The following SCYL3 variants were observed in gnomAD, a reference collection of about 807,000 sequenced individuals.
SCYL3 encodes the protein protein-associating with the carboxyl-terminal domain of ezrin.
Under a neutral mutation model 73.8 loss-of-function variants are expected in SCYL3, and 35 were observed. That is an observed-to-expected ratio of 0.47 (90% CI 0.36 to 0.63). The LOEUF (loss-of-function observed/expected upper bound fraction) is 0.63, where lower values mean the gene tolerates loss of function less well. Ranked by LOEUF, SCYL3 falls within the 20% of genes least tolerant of loss-of-function variation. SCYL3 has a pLI of 0.00. For synonymous variants in SCYL3, 277 were observed against 295.2 expected (o/e 0.94, Z 0.63); for missense variants, 712 against 798.9 (o/e 0.89, Z 1.31).
rs956006496 is a variant in SCYL3, at chr1:169,850,992, TTTTTTTTTTTTTTTA to T, written c.*2706_*2720del. ...AATTTAGGCATGGCTTTTTTTTTTTTTTTTTTTTTTTTTTATTTGGGCAGCCTCCCAAGCCAGGGT... is the reference window on the plus strand; with the variant it reads ...AATTTAGGCATGGCTTTTTTTTTTTTTTTGGGCAGCCTCCCAAGCCAGGGT... On this transcript the variant is annotated 3_prime_UTR_variant, in exon 13 of 13. Coordinates refer to ENST00000367771, the MANE Select transcript of SCYL3 (RefSeq NM_020423.7). 4 of 54,860 alleles carry T rather than the reference TTTTTTTTTTTTTTTA, an allele frequency of 7.3e-5. No homozygotes were observed. The highest frequency in any genetic ancestry group is 2.9e-4 in the African/African-American group (4 of 13,722). 3.4% of individuals were successfully genotyped at this position (54,860 alleles called of 1,614,324 possible). A position where few individuals can be genotyped will look rare whatever the true frequency, so the allele number is the denominator to read the frequency against.
At position 169,874,520 on chromosome 1, in the gene SCYL3, G is replaced by C. The variant is rs540228939; in HGVS notation, c.466-768C>G. Among the ~76,000 whole-genome samples the C allele has an allele frequency of 1.4e-4, 22 of 152,188 alleles. No individual in the cohort carries two copies. In the South Asian group the frequency reaches 4.2e-3, roughly 29 times the overall value. On this transcript the variant is annotated intron_variant, in intron 4 of 12. Coordinates refer to ENST00000367771, the MANE Select transcript of SCYL3 (RefSeq NM_020423.7). ...TTTCCAGAAGCCAATGGGAAGAAAT[G>C]CATTCCAGCAACAGAATGGCCTACA...
intron 8 of SCYL3, among the ~76,000 whole-genome samples, chr1:169,866,529 G>T (rs1660042688): frequency 6.6e-6 from 1 of 152,154 alleles, no homozygotes; most frequent in Admixed American, 6.5e-5. Flanking sequence ...CCCCCAGCAG[G>T]ACTCAACTGT....
At chr1:169,856,023 G>A in intron 11 of SCYL3, 7 of 1,474,746 alleles carry the variant, frequency 4.7e-6, no homozygotes, top group Non-Finnish European at 5.6e-6. Context: ...CTATCACATG[G>A]TTGGTGGGCA....
chr1:169,854,036 T>TTTTTCTTTC (rs1658827073), intron 12 of SCYL3: 2 of 565,678 alleles, frequency 3.5e-6, no homozygotes, highest in African/African-American at 3.8e-5. Context: ...TAATCCCTTT[T>TTTTTCTTTC]TTTTCTTTTT....
At chr1:169,890,673 T>C (rs1367598449) in intron 1 of SCYL3, among the ~76,000 whole-genome samples, 1 of 152,224 alleles carries the variant, frequency 6.6e-6, no homozygotes, top group Non-Finnish European at 1.5e-5. Context: ...ATTGAAGATT[T>C]TCAAAATCTA....
At chr1:169,857,080 T>G (rs1317642615) in intron 11 of SCYL3, among the ~76,000 whole-genome samples, 1 of 152,210 alleles carries the variant, frequency 6.6e-6, no homozygotes, top group Admixed American at 6.5e-5. Context: ...AAATTACTGC[T>G]ACCTCCCAGG....
intron 11 of SCYL3, chr1:169,855,915 G>A (rs763180470): frequency 1.1e-5 from 17 of 1,613,770 alleles, no homozygotes; most frequent in Admixed American, 1.7e-5. Flanking sequence ...CAAGATTGGC[G>A]AGATCTGACT....
intron 11 of SCYL3, among the ~76,000 whole-genome samples, chr1:169,856,680 C>T (rs779015299): frequency 1.3e-5 from 2 of 152,134 alleles, no homozygotes; most frequent in Non-Finnish European, 2.9e-5. Flanking sequence ...AATGCCTTAT[C>T]CGATGTCTTC....
At position 169,851,057 on chromosome 1, in the gene SCYL3, T is replaced by C; in HGVS notation, c.*2656A>G. ...TAAGCTCAGGGCCCTTTTTTTTTTT[T>C]TTTTTTTTTTTTTTTTGGCATGGCT... On this transcript the variant is annotated 3_prime_UTR_variant, in exon 13 of 13. Coordinates refer to ENST00000367771, the MANE Select transcript of SCYL3 (RefSeq NM_020423.7). 8.8e-6 allele frequency: 1 copy of C among 114,016 alleles called. No individual in the cohort carries two copies. Among genetic ancestry groups the C allele is most frequent in the Non-Finnish European group, 1.8e-5 (1 of 55,772 alleles). 7.1% of individuals were successfully genotyped at this position (114,016 alleles called of 1,614,324 possible). A position where few individuals can be genotyped will look rare whatever the true frequency, so the allele number is the denominator to read the frequency against.
intron 2 of SCYL3, among the ~76,000 whole-genome samples, chr1:169,883,533 A>C (rs1661456315): frequency 6.6e-6 from 1 of 152,184 alleles, no homozygotes; most frequent in Admixed American, 6.5e-5. Flanking sequence ...ATATATTACC[A>C]GGTGGCATTT....
chr1:169,867,102 T>TCCTTTGCC, intron 7 of SCYL3, 129 bp from the exon 8 acceptor site: 1 of 591,876 alleles, frequency 1.7e-6, no homozygotes. Context: ...TTAAAGATTC[T>TCCTTTGCC]ATTACAACTA....
chr1:169,880,206 GA>G (rs1387124354), intron 2 of SCYL3, among the ~76,000 whole-genome samples: 1 of 151,678 alleles, frequency 6.6e-6, no homozygotes, highest in Admixed American at 6.6e-5. Flanking sequence ...AAAGAGAAAA[GA>G]AAAAAATTGG....
chr1:169,887,630 T>C (rs935923610), intron 2 of SCYL3, among the ~76,000 whole-genome samples: 1 of 151,636 alleles, frequency 6.6e-6, no homozygotes, highest in African/African-American at 2.4e-5. Flanking sequence ...AAAAAAAGAG[T>C]CAAAAATGTG....
At position 169,862,114 on chromosome 1, in the gene SCYL3, T is replaced by C. The variant is rs1659691488; in HGVS notation, c.1140+499A>G. Among the ~76,000 whole-genome samples, 2 of 152,218 alleles carry C rather than the reference T, an allele frequency of 1.3e-5. 1 individual carries two copies. Among genetic ancestry groups the C allele is most frequent in the South Asian group, 4.1e-4 (2 of 4,830 alleles). On this transcript the variant is annotated intron_variant, in intron 10 of 12. Transcript: ENST00000367771. The stretch of plus-strand genomic sequence containing the variant: ...CTCCAGAACTAAAAATAAATTTGTA[T>C]TGCTTTAAGCCATTATAATTTGTGA...
rs149349564 is a variant in SCYL3 at position 169,854,470 on chromosome 1, C to T, written c.1807G>A (p.Glu603Lys). ...TTTTTTACTTGAATGGTGAATTCCT[C>T]TCCTAAACCAAGTTCTGATGGAACC... is the stretch of plus-strand genomic sequence containing the variant. ...LKVPSELGLGEEFTIQVKKKP... is the reference protein window; with the variant it reads ...LKVPSELGLGKEFTIQVKKKP... Residue 603 changes from glutamate to lysine, a missense_variant, in exon 12 of 13, where the codon GAG becomes AAG. Around this residue, in one of 2 missense-constraint regions of SCYL3, gnomAD observed 370 missense variants for 350.8 expected, o/e 1.05. Transcript: ENST00000367771. The T allele has an allele frequency of 2.6e-5, 42 of 1,613,962 alleles. No homozygotes were observed. In the African/African-American group the frequency reaches 4.7e-4, roughly 18 times the overall value.
chr1:169,852,912 C>T lies in SCYL3; in HGVS notation c.*801G>A, dbSNP rs1287072898. 4.3e-6 allele frequency: 7 copies of T among 1,614,110 alleles called. No homozygotes were observed. The highest frequency in any genetic ancestry group is 5.9e-6 in the Non-Finnish European group (7 of 1,180,002). On this transcript the variant is annotated 3_prime_UTR_variant, in exon 13 of 13. Coordinates refer to ENST00000367771, the MANE Select transcript of SCYL3 (RefSeq NM_020423.7). Reference sequence around the variant, plus strand: ...TACTCCAAAAGGGTCCTGCTCCAGCCTGGCTTTCAATGGAAATGGAGGCGC... The same window carrying T: ...TACTCCAAAAGGGTCCTGCTCCAGCTTGGCTTTCAATGGAAATGGAGGCGC...
chr1:169,886,516 T>C (rs879570282), intron 2 of SCYL3, among the ~76,000 whole-genome samples: 2 of 152,188 alleles, frequency 1.3e-5, no homozygotes, highest in Non-Finnish European at 2.9e-5. Flanking sequence ...AGAGCACTTA[T>C]ATAGCATCTA....
At chr1:169,887,038 T>C (rs370274331) in intron 2 of SCYL3, among the ~76,000 whole-genome samples, 7 of 152,214 alleles carry the variant, frequency 4.6e-5, no homozygotes, top group African/African-American at 1.7e-4. Context: ...ATTCCTAAAA[T>C]CTAGCACATC....
At chr1:169,853,803 A>C (rs780972914) in intron 12 of SCYL3, 31 bp from the exon 13 acceptor site, 1 of 1,600,768 alleles carries the variant, frequency 6.2e-7, no homozygotes, top group East Asian at 2.2e-5. Flanking sequence ...CCAAGAACCC[A>C]CTGAAACAAA....
Sources: gnomAD v4.1 joint callset for allele counts (sites outside exome capture counted in the v4.1 genomes callset) on GRCh38, gnomAD v4.1.1 for gene constraint, gnomAD v4.1.1 regional missense constraint, MANE v1.5 for transcripts, NCBI Gene and HGNC (gene_info 2026-07-23, HGNC 2026-07-21) for gene names.